Variants in USP39 observed in about 807,000 individuals in gnomAD.
USP39 encodes the protein ubiquitin carboxyl-terminal hydrolase 39.
In USP39, 38 loss-of-function variants were observed where a neutral mutation model predicts 66.4. That is an observed-to-expected ratio of 0.57 (90% CI 0.44 to 0.75). USP39 has a LOEUF of 0.75. USP39 is among the 30% of genes least tolerant of loss of function. The pLI, the probability that USP39 is intolerant of heterozygous loss-of-function variation, is 0.00. For missense variants in USP39, 608 were observed against 714.4 expected (o/e 0.85, Z 1.70); for synonymous variants, 303 against 274.6 (o/e 1.10, Z -1.02).
upstream of USP39, among the ~76,000 whole-genome samples, chr2:85,612,662 C>CT (rs11458377): frequency 0.085 from 12,679 of 149,504 alleles, 1,798 homozygotes; most frequent in African/African-American, 0.29. Flanking sequence ...TTTATTTTTC[C>CT]TTTTTTTTTT....
At chr2:85,611,904 G>A (rs1673568119), upstream of USP39, 1 of 1,594,220 alleles carries the variant, frequency 6.3e-7, no homozygotes, top group Non-Finnish European at 8.5e-7. Context: ...GTCGGATATG[G>A]TGCACGAAGC....
chr2:85,618,831 AC>A (rs1205786456), intron 1 of USP39, among the ~76,000 whole-genome samples: 1 of 151,040 alleles, frequency 6.6e-6, no homozygotes, highest in Non-Finnish European at 1.5e-5. Context: ...GTGCAGCGGT[AC>A]GATCTCTGCT....
intron 4 of USP39, among the ~76,000 whole-genome samples, chr2:85,625,142 C>T (rs1300226615): frequency 6.6e-6 from 1 of 152,148 alleles, no homozygotes; most frequent in Non-Finnish European, 1.5e-5. Context: ...TGGAGATCCT[C>T]ATTCCCACCC....
rs188132865 is a variant in USP39 at position 85,619,393 on chromosome 2, T to G, written c.338+104T>G. On this transcript the variant is annotated intron_variant, in intron 2 of 12. Coordinates refer to ENST00000323701, the MANE Select transcript of USP39 (RefSeq NM_006590.4). ...AACACATTGACAAACTTTACTTTTTTTGAACCTGTCTAGAGAGTTGTGCTT... is the reference window on the plus strand; with the variant it reads ...AACACATTGACAAACTTTACTTTTTGTGAACCTGTCTAGAGAGTTGTGCTT... 1,334 of 1,212,174 alleles carry G rather than the reference T, an allele frequency of 1.1e-3. 22 individuals are homozygous for G. In the East Asian group the frequency reaches 0.03, roughly 27 times the overall value. The allele number at this position is 1,212,174 out of a possible 1,614,324, so 75.1% of individuals were successfully genotyped here. A position where few individuals can be genotyped will look rare whatever the true frequency, so the allele number is the denominator to read the frequency against.
intron 2 of USP39, among the ~76,000 whole-genome samples, chr2:85,619,501 G>T (rs531075631): frequency 6.6e-6 from 1 of 150,860 alleles, no homozygotes; most frequent in Non-Finnish European, 1.5e-5. Context: ...TGTATGTTGG[G>T]ATAACAGGAT....
intron 4 of USP39, 115 bp from the exon 5 acceptor site, chr2:85,625,424 G>C (rs952392400): frequency 1.5e-6 from 2 of 1,364,258 alleles, no homozygotes; most frequent in East Asian, 4.9e-5. Context: ...CTATTTTTCT[G>C]TGTGTGGTGG....
At chr2:85,631,507 T>C (rs1443668394) in intron 6 of USP39, among the ~76,000 whole-genome samples, 1 of 151,446 alleles carries the variant, frequency 6.6e-6, no homozygotes, top group Non-Finnish European at 1.5e-5. Context: ...TAGCCAGGAG[T>C]GTCCAGTGGA....
upstream of USP39, chr2:85,608,701 CAAAAAAAAAAAAAAAAAAA>C: frequency 1.8e-5 from 1 of 54,714 alleles, no homozygotes; most frequent in East Asian, 4.9e-4. Flanking sequence ...ACAAAATCCT[CAAAAAAAAAAAAAAAAAAA>C]AAAAAAAAAG....
At chr2:85,639,988 C>G (rs1253311966) in intron 9 of USP39, among the ~76,000 whole-genome samples, 3 of 152,038 alleles carry the variant, frequency 2.0e-5, no homozygotes, top group African/African-American at 7.2e-5. Context: ...TCAAGTGATC[C>G]TCTCACCTCA....
intron 5 of USP39, among the ~76,000 whole-genome samples, chr2:85,627,278 G>A (rs1674946611): frequency 7.0e-6 from 1 of 143,058 alleles, no homozygotes; most frequent in Admixed American, 7.0e-5. Context: ...TGTATTTTTA[G>A]TAGAGATGGG....
intron 6 of USP39, among the ~76,000 whole-genome samples, chr2:85,633,677 G>A (rs1188337972): frequency 6.6e-6 from 1 of 152,006 alleles, no homozygotes; most frequent in Non-Finnish European, 1.5e-5. Flanking sequence ...TGAGGTTGGA[G>A]GATCGCTTGG....
chr2:85,622,124 T>A lies in USP39; in HGVS notation c.433+545T>A, dbSNP rs139074118. 6.6e-3 allele frequency among the ~76,000 whole-genome samples: 955 copies of A among 144,492 alleles called. 8 individuals carry two copies. Among genetic ancestry groups the A allele is most frequent in the Non-Finnish European group, 9.6e-3 (626 of 65,202 alleles). The allele number at this position is 144,492 out of a possible 152,430, so 94.8% of individuals were successfully genotyped here. On this transcript the variant is annotated intron_variant, in intron 3 of 12. Transcript: ENST00000323701. ...CGTGAGCCACCGCGCCCGGCCTAAT[T>A]TTTTTTTTTTTTAAGAGATGGAGTC...
chr2:85,605,845 T>C (rs1673194222), intron 1 of USP39, among the ~76,000 whole-genome samples: 1 of 152,252 alleles, frequency 6.6e-6, no homozygotes, highest in African/African-American at 2.4e-5. Flanking sequence ...GGAGATGGAA[T>C]GTCCCTTCCA....
At chr2:85,638,874 T>C (rs1676007883) in intron 8 of USP39, among the ~76,000 whole-genome samples, 1 of 151,312 alleles carries the variant, frequency 6.6e-6, no homozygotes, top group Non-Finnish European at 1.5e-5. Flanking sequence ...AGTCTCACTG[T>C]GTTGCCCAGG....
chr2:85,633,593 C>G (rs950564642), intron 6 of USP39, among the ~76,000 whole-genome samples: 13 of 152,000 alleles, frequency 8.6e-5, no homozygotes, highest in African/African-American at 3.1e-4. Flanking sequence ...GACATAGACC[C>G]TATATCTACA....
At position 85,639,296 on chromosome 2, in the gene USP39, A is replaced by G. The variant is rs892119074; in HGVS notation, c.1189A>G (p.Thr397Ala). 7 of 1,613,836 alleles carry G rather than the reference A, an allele frequency of 4.3e-6. No homozygotes were observed. Among genetic ancestry groups the G allele is most frequent in the South Asian group, 2.2e-5 (2 of 91,056 alleles). The change falls in exon 9 of 13, where the codon ACT becomes GCT. Residue 397 changes from threonine to alanine, a missense_variant. Physicochemically the swap from Thr to Ala is moderately conservative, Grantham distance 58. This residue lies in a region of USP39 where 164 missense variants were observed against 250.3 expected (regional missense o/e 0.66). Coordinates refer to ENST00000323701, the MANE Select transcript of USP39 (RefSeq NM_006590.4). The stretch of plus-strand genomic sequence containing the variant: ...TATGTACCTGACGCTGGACCTTCCT[A>G]CTGCCCCCCTCTACAAGGACGAGAA... ...TFMYLTLDLP[T>A]APLYKDEKEQ...
chr2:85,646,837 T>A (rs1223101725), intron 11 of USP39, among the ~76,000 whole-genome samples: 1 of 151,698 alleles, frequency 6.6e-6, no homozygotes, highest in Non-Finnish European at 1.5e-5. Flanking sequence ...CAGGTTAGTG[T>A]GATAGACAGT....
upstream of USP39, chr2:85,608,792 G>GGCC: frequency 2.3e-6 from 2 of 862,110 alleles, no homozygotes; most frequent in Non-Finnish European, 1.7e-6. Flanking sequence ...CTGCAAGGCA[G>GGCC]GCCAGGTGTA....
At chr2:85,631,187 G>T (rs1390320834) in intron 6 of USP39, among the ~76,000 whole-genome samples, 2 of 151,784 alleles carry the variant, frequency 1.3e-5, no homozygotes, top group Non-Finnish European at 2.9e-5. Context: ...GCTAATTTTT[G>T]TATTTTTAGC....
Sources: allele counts gnomAD v4.1 joint callset (sites outside exome capture counted in the v4.1 genomes callset), GRCh38; gene constraint gnomAD v4.1.1; regional missense constraint gnomAD v4.1.1; transcripts MANE v1.5; gene names NCBI Gene and HGNC (gene_info 2026-07-23, HGNC 2026-07-21).